Variants in NT5C3B observed in about 807,000 individuals in gnomAD.
NT5C3B encodes the protein 7-methylguanosine phosphate-specific 5'-nucleotidase.
NT5C3B carries 28 observed loss-of-function variants against 32.5 expected under a neutral mutation model. That is an observed-to-expected ratio of 0.86 (90% CI 0.64 to 1.18). The LOEUF (loss-of-function observed/expected upper bound fraction) is 1.18. NT5C3B is among the 50% of genes most tolerant of loss of function. NT5C3B has a pLI of 0.00. For synonymous variants in NT5C3B, 138 were observed against 118.0 expected, an observed-to-expected ratio of 1.17 and a Z score of -1.10; for missense variants, 317 against 322.0, an observed-to-expected ratio of 0.98 and a Z score of 0.12.
intron 4 of NT5C3B, chr17:41,832,785 T>G: frequency 4.8e-6 from 1 of 208,112 alleles, no homozygotes; most frequent in Non-Finnish European, 9.9e-6. Flanking sequence ...TGAGAATCGT[T>G]TGAACCCAGG....
Position 41,830,237 on chromosome 17 carries a change from G to A in NT5C3B, c.404+564C>T, listed in dbSNP as rs375227344. The stretch of plus-strand genomic sequence containing the variant: ...AAAAATGAGCTAGACTTGGCCGGGC[G>A]CGGTGGCTCGCGCCTGTAATCCCAG... On this transcript the variant is annotated intron_variant, in intron 6 of 8. Transcript: ENST00000435506. Among the ~76,000 whole-genome samples the A allele has an allele frequency of 2.0e-5, 3 of 152,306 alleles. No homozygotes were observed. The East Asian group carries it at 5.8e-4, about 29-fold the overall frequency.
rs782648355 is a variant in NT5C3B, at chr17:41,828,735, T to G, written c.567+55A>C. 6 of 1,523,108 alleles carry G rather than the reference T, an allele frequency of 3.9e-6. No homozygotes were observed. In the Admixed American group the frequency reaches 5.2e-5, roughly 13 times the overall value. 94.3% of individuals were successfully genotyped at this position (1,523,108 alleles called of 1,614,324 possible). On this transcript the variant is annotated intron_variant, in intron 7 of 8. Transcript: ENST00000435506. Reference sequence around the variant, plus strand: ...AGGGTTCATGCAGAGTTAACTGCCCTGGCTGGTGGTCCCCACCCCTCGTCC... The same window carrying G: ...AGGGTTCATGCAGAGTTAACTGCCCGGGCTGGTGGTCCCCACCCCTCGTCC...
At chr17:41,830,515 G>A (rs1220541221) in intron 6 of NT5C3B, among the ~76,000 whole-genome samples, 2 of 152,056 alleles carry the variant, frequency 1.3e-5, no homozygotes, top group East Asian at 3.9e-4. Context: ...CTTGAGAAGA[G>A]AAGAGAAGAG....
intron 6 of NT5C3B, among the ~76,000 whole-genome samples, 182 bp from the exon 7 acceptor site, chr17:41,829,134 G>A (rs189933629): frequency 6.6e-6 from 1 of 152,036 alleles, no homozygotes; most frequent in African/African-American, 2.4e-5. Flanking sequence ...TGATCCACCC[G>A]CCTCAACCTC....
chr17:41,834,884 T>C (rs1260065294), intron 4 of NT5C3B, among the ~76,000 whole-genome samples, 186 bp downstream of exon 4: 3 of 152,224 alleles, frequency 2.0e-5, no homozygotes, highest in Non-Finnish European at 4.4e-5. Flanking sequence ...CCATTAATCA[T>C]CATATGTCCT....
At chr17:41,827,216 G>A (rs916530761) in intron 8 of NT5C3B, among the ~76,000 whole-genome samples, 5 of 151,624 alleles carry the variant, frequency 3.3e-5, no homozygotes, top group Non-Finnish European at 5.9e-5. Context: ...AGAGGCTCCC[G>A]TGAACCCAGG....
chr17:41,833,138 G>A (rs1428717125), intron 4 of NT5C3B, among the ~76,000 whole-genome samples: 3 of 152,144 alleles, frequency 2.0e-5, no homozygotes, highest in African/African-American at 4.8e-5. Flanking sequence ...GAGAAGAAGG[G>A]TACTAAGATT....
chr17:41,835,032 T>C (rs782259852), intron 4 of NT5C3B, 38 bp downstream of exon 4: 16 of 1,602,992 alleles, frequency 1.0e-5, no homozygotes, highest in South Asian at 2.2e-5. Context: ...AAGTAGCAAA[T>C]GACAACCATT....
intron 8 of NT5C3B, among the ~76,000 whole-genome samples, chr17:41,827,030 G>C (rs1555618283): frequency 6.6e-6 from 1 of 151,534 alleles, no homozygotes; most frequent in Non-Finnish European, 1.5e-5. Flanking sequence ...AAAAAAGCTG[G>C]GTGCAGTGGC....
At chr17:41,830,985 T>C (rs1555618955) in intron 5 of NT5C3B, 95 bp from the exon 6 acceptor site, 2 of 819,482 alleles carry the variant, frequency 2.4e-6, no homozygotes, top group Non-Finnish European at 4.2e-6. Flanking sequence ...TCTGACAGCA[T>C]TGCCGACAGA....
rs1227506963 is a variant in NT5C3B, at chr17:41,833,322, T to C, written c.229-845A>G. On this transcript the variant is annotated intron_variant, in intron 4 of 8. Transcript: ENST00000435506. ...GTTTTGGATTCATTTTCATGTACAA[T>C]TTTTTTTTTTTTTGAGACAAGTCTC... Among the ~76,000 whole-genome samples, 9 of 8,880 alleles carry C rather than the reference T, an allele frequency of 1.0e-3. No individual in the cohort carries two copies. In the South Asian group the frequency reaches 0.037, roughly 37 times the overall value. The allele number at this position is 8,880 out of a possible 152,430, so 5.8% of individuals were successfully genotyped here. A position where few individuals can be genotyped will look rare whatever the true frequency, so the allele number is the denominator to read the frequency against.
At position 41,832,457 on chromosome 17, in the gene NT5C3B, G is replaced by C. The variant is rs370624718; in HGVS notation, c.249C>G (p.His83Gln). ...GTGGGTCGATCTCAATTGGGTAATA[G>C]TGGTGAAGGAGCGCTGTGAGCTGGG... Reference protein sequence around the residue: ...CRKELTALLHHYYPIEIDPHR... With the variant: ...CRKELTALLHQYYPIEIDPHR... The change falls in exon 5 of 9, where the codon CAC becomes CAG. Residue 83 changes from histidine (H) to glutamine (Q), a missense_variant. Transcript: ENST00000435506. 2.5e-6 allele frequency: 4 copies of C among 1,613,718 alleles called. No homozygotes were observed. The highest frequency in any genetic ancestry group is 1.7e-4 in the Middle Eastern group (1 of 6,056).
intron 8 of NT5C3B, among the ~76,000 whole-genome samples, chr17:41,826,489 G>T (rs2047966022): frequency 2.0e-5 from 3 of 151,908 alleles, no homozygotes; most frequent in Admixed American, 2.0e-4. Context: ...TCCCAAAATA[G>T]GGGGGTTACA....
At position 41,825,205 on chromosome 17, in the gene NT5C3B, ATCTGTT is replaced by A. The variant is rs1247151342; in HGVS notation, c.*312_*317del. ...CTTTTTTTTCATTTTAAAAATTTTGATCTGTTTCACACATTATATTTGTTTGAACTT... is the reference window on the plus strand; with the variant it reads ...CTTTTTTTTCATTTTAAAAATTTTGATCACACATTATATTTGTTTGAACTT... On this transcript the variant is annotated 3_prime_UTR_variant, in exon 9 of 9. Transcript: ENST00000435506. 8.6e-6 allele frequency: 2 copies of A among 232,986 alleles called. No homozygotes were observed. Among genetic ancestry groups the A allele is most frequent in the Admixed American group, 5.5e-5 (1 of 18,294 alleles). The allele number at this position is 232,986 out of a possible 1,614,324, so 14.4% of individuals were successfully genotyped here. A position where few individuals can be genotyped will look rare whatever the true frequency, so the allele number is the denominator to read the frequency against.
chr17:41,828,716 C>A, intron 7 of NT5C3B, 74 bp downstream of exon 7: 1 of 1,347,130 alleles, frequency 7.4e-7, no homozygotes, highest in South Asian at 1.3e-5. Context: ...GGTTAGGGTT[C>A]ATGCAGAGTT....
intron 2 of NT5C3B, 47 bp downstream of exon 2, chr17:41,835,812 C>A (rs2048142112): frequency 2.6e-6 from 4 of 1,539,646 alleles, no homozygotes; most frequent in Non-Finnish European, 3.5e-6. Flanking sequence ...CAGGAAGCCT[C>A]TCCAGCCGCC....
At chr17:41,826,490 G>A (rs966687190) in intron 8 of NT5C3B, among the ~76,000 whole-genome samples, 1 of 151,846 alleles carries the variant, frequency 6.6e-6, no homozygotes, top group Non-Finnish European at 1.5e-5. Flanking sequence ...CCCAAAATAG[G>A]GGGGTTACAG....
chr17:41,835,877 G>A lies in NT5C3B; in HGVS notation c.93C>T (p.Gly31=), dbSNP rs1156254686. 7 of 1,608,918 alleles carry A rather than the reference G, an allele frequency of 4.4e-6. No individual in the cohort carries two copies. Among genetic ancestry groups the A allele is most frequent in the Non-Finnish European group, 5.9e-6 (7 of 1,178,636 alleles). ...GAGGTACCTGTAACCGGTCTCCGCC[G>A]CCCTTGCGGAGGGCGCCCACGATCT... ...VQEIVGALRK[G]GGDRLQVISD... Residue 31 remains glycine (G), a synonymous_variant, in exon 2 of 9, where the codon GGC becomes GGT. Transcript: ENST00000435506.
In NT5C3B at chr17:41,827,445, A is replaced by G. The variant is rs1555618348; in HGVS notation, c.749T>C (p.Ile250Thr). 3.4e-6 allele frequency: 3 copies of G among 872,890 alleles called. No individual in the cohort carries two copies. Among genetic ancestry groups the G allele is most frequent in the Non-Finnish European group, 6.0e-6 (3 of 501,692 alleles). 54.1% of individuals were successfully genotyped at this position (872,890 alleles called of 1,614,324 possible). A position where few individuals can be genotyped will look rare whatever the true frequency, so the allele number is the denominator to read the frequency against. The change falls in exon 8 of 9, where the codon ATT (isoleucine) becomes ACT (threonine). Residue 250 changes from isoleucine to threonine, a missense_variant. By Grantham distance (89) the Ile-to-Thr change is moderately conservative. Coordinates refer to ENST00000435506, the MANE Select transcript of NT5C3B (RefSeq NM_052935.5). ...ACCCACCTTGTCATTCAGGAAGCCA[A>G]TTTTGAGAATGTTCTGCACACCAGG... Reference protein sequence around the residue: ...GVPGVQNILKIGFLNDKVEER... With the variant: ...GVPGVQNILKTGFLNDKVEER...
Sources: allele counts gnomAD v4.1 joint callset (sites outside exome capture counted in the v4.1 genomes callset), GRCh38; gene constraint gnomAD v4.1.1; transcripts MANE v1.5; gene names NCBI Gene and HGNC (gene_info 2026-07-23, HGNC 2026-07-21).